SPRED2: variants seen among roughly 807,000 people sequenced by gnomAD.
SPRED2 encodes the protein sprouty-related, EVH1 domain-containing protein 2.
Under a neutral mutation model 43.0 loss-of-function variants are expected in SPRED2, and 47 were observed. The ratio of observed to expected loss-of-function variants is 1.09; its 90% CI spans 0.87 to 1.40. SPRED2 has a LOEUF of 1.40. SPRED2 is among the 40% of genes most tolerant of loss of function. SPRED2 has a pLI of 0.00. For synonymous variants in SPRED2, 225 were observed against 225.7 expected, an observed-to-expected ratio of 1.00 and a Z score of 0.03; for missense variants, 561 against 586.4, an observed-to-expected ratio of 0.96 and a Z score of 0.45.
intron 2 of SPRED2, among the ~76,000 whole-genome samples, chr2:65,340,176 G>T (rs1313559407): frequency 1.3e-5 from 2 of 152,052 alleles, no homozygotes; most frequent in East Asian, 3.9e-4. Flanking sequence ...TTTCTAATAT[G>T]GCAAGTTATA....
At chr2:65,350,315 A>G (rs1249689691) in intron 1 of SPRED2, among the ~76,000 whole-genome samples, 2 of 152,210 alleles carry the variant, frequency 1.3e-5, no homozygotes, top group Non-Finnish European at 2.9e-5. Flanking sequence ...AAAACATGCT[A>G]TCTTTGTCAA....
intron 1 of SPRED2, among the ~76,000 whole-genome samples, chr2:65,425,162 G>A (rs898852653): frequency 7.9e-5 from 12 of 152,112 alleles, no homozygotes; most frequent in Non-Finnish European, 1.5e-4. Flanking sequence ...AAACTTAACT[G>A]ATAATTAAGT....
rs555511626 is a variant in SPRED2, at chr2:65,406,295, A to G, written c.26+25667T>C. Reference sequence around the variant, plus strand: ...TTCTTAATACTTGACACCCAAACTTACCATCCACCAACTTTCCAATCCTCC... The same window carrying G: ...TTCTTAATACTTGACACCCAAACTTGCCATCCACCAACTTTCCAATCCTCC... On this transcript the variant is annotated intron_variant, in intron 1 of 5. Transcript: ENST00000356388. Among the ~76,000 whole-genome samples the G allele has an allele frequency of 2.6e-5, 4 of 152,116 alleles. No individual in the cohort carries two copies. The South Asian group carries it at 6.2e-4, about 24-fold the overall frequency.
chr2:65,347,662 T>C (rs375836954), intron 1 of SPRED2, among the ~76,000 whole-genome samples: 2 of 152,124 alleles, frequency 1.3e-5, no homozygotes, highest in African/African-American at 4.8e-5. Context: ...TTAAAAACCT[T>C]CTACATACCA....
intron 1 of SPRED2, among the ~76,000 whole-genome samples, chr2:65,428,802 C>G (rs1245261405): frequency 6.6e-6 from 1 of 152,202 alleles, no homozygotes; most frequent in Non-Finnish European, 1.5e-5. Flanking sequence ...TTTATCTTGT[C>G]TGCAAATTTC....
rs1299857849 is a variant in SPRED2, at chr2:65,422,104, A to ACACACACACACACACACTCTCT, written c.26+9857_26+9858insAGAGAGTGTGTGTGTGTGTGTG. Among the ~76,000 whole-genome samples the ACACACACACACACACACTCTCT allele has an allele frequency of 6.1e-4, 79 of 129,016 alleles. 1 individual carries two copies. Among genetic ancestry groups the ACACACACACACACACACTCTCT allele is most frequent in the South Asian group, 1.1e-3 (4 of 3,584 alleles). 84.6% of individuals were successfully genotyped at this position (129,016 alleles called of 152,430 possible). On this transcript the variant is annotated intron_variant, in intron 1 of 5. Transcript: ENST00000356388. Reference sequence around the variant, plus strand: ...CACACACACACACACACACACACACACTCTCTCTCTCTCTCTCTCTCTCTC... The same window carrying ACACACACACACACACACTCTCT: ...CACACACACACACACACACACACACACACACACACACACACACTCTCTCTCTCTCTCTCTCTCTCTCTCTCTC...
At chr2:65,394,973 G>T (rs1675721269) in intron 1 of SPRED2, among the ~76,000 whole-genome samples, 1 of 152,126 alleles carries the variant, frequency 6.6e-6, no homozygotes, top group African/African-American at 2.4e-5. Flanking sequence ...GACTGCTGTG[G>T]GTTGGGGTTG....
At chr2:65,422,924 T>C (rs1438216402) in intron 1 of SPRED2, among the ~76,000 whole-genome samples, 1 of 152,078 alleles carries the variant, frequency 6.6e-6, no homozygotes, top group Non-Finnish European at 1.5e-5. Context: ...AGTCTGAGCC[T>C]GAGAAAAAAA....
chr2:65,369,124 T>C (rs1675054961), intron 1 of SPRED2, among the ~76,000 whole-genome samples: 1 of 152,186 alleles, frequency 6.6e-6, no homozygotes, highest in Admixed American at 6.5e-5. Context: ...CAGTTACTGT[T>C]GCTGACATGC....
chr2:65,322,294 A>ATTTTTT (rs1178902612), intron 4 of SPRED2, among the ~76,000 whole-genome samples: 5 of 64,926 alleles, frequency 7.7e-5, no homozygotes, highest in African/African-American at 2.9e-4. Context: ...ATATATATAT[A>ATTTTTT]TTTTTTTTTT....
intron 1 of SPRED2, among the ~76,000 whole-genome samples, chr2:65,394,176 A>G (rs1246775239): frequency 6.6e-6 from 1 of 152,364 alleles, no homozygotes; most frequent in African/African-American, 2.4e-5. Context: ...AACAATTTAA[A>G]TTCTCATTTC....
chr2:65,398,636 A>G (rs1675810795), intron 1 of SPRED2, among the ~76,000 whole-genome samples: 1 of 152,250 alleles, frequency 6.6e-6, no homozygotes, highest in South Asian at 2.1e-4. Context: ...ATCACTAATT[A>G]TCAGGGCAAT....
In SPRED2 at chr2:65,360,068, A is replaced by AAC. The variant is rs1361535321; in HGVS notation, c.27-15173_27-15172insGT. ...CGACAGAGCGAGACTCCATCTCAAA[A>AAC]AAAAAAAAAACAAAAAAAAACAAAA... On this transcript the variant is annotated intron_variant, in intron 1 of 5. Transcript: ENST00000356388. 2.1e-4 allele frequency among the ~76,000 whole-genome samples: 26 copies of AAC among 125,996 alleles called. 1 individual carries two copies. The highest frequency in any genetic ancestry group is 6.7e-4 in the African/African-American group (24 of 35,996). 82.7% of individuals were successfully genotyped at this position (125,996 alleles called of 152,430 possible). A position where few individuals can be genotyped will look rare whatever the true frequency, so the allele number is the denominator to read the frequency against.
rs530636147 is a variant in SPRED2 at position 65,423,972 on chromosome 2, A to G, written c.26+7990T>C. On this transcript the variant is annotated intron_variant, in intron 1 of 5. Coordinates refer to ENST00000356388, the MANE Select transcript of SPRED2 (RefSeq NM_181784.3). ...GCTCAACTAATTTTGTATATTTAGT[A>G]GAGATGGGGTTTCTCCATCTTGGTT... 3.4e-3 allele frequency among the ~76,000 whole-genome samples: 522 copies of G among 152,212 alleles called. 4 individuals carry two copies. Among genetic ancestry groups the G allele is most frequent in the African/African-American group, 0.012 (495 of 41,526 alleles).
At chr2:65,365,229 A>G (rs1674939602) in intron 1 of SPRED2, among the ~76,000 whole-genome samples, 1 of 152,248 alleles carries the variant, frequency 6.6e-6, no homozygotes, top group Non-Finnish European at 1.5e-5. Flanking sequence ...ACGTTACAGC[A>G]TAACAGGTGG....
intron 2 of SPRED2, among the ~76,000 whole-genome samples, chr2:65,335,911 A>G (rs899454079): frequency 6.6e-6 from 1 of 151,678 alleles, no homozygotes; most frequent in African/African-American, 2.4e-5. Context: ...TAATAGCCCA[A>G]TCTTGTTCTG....
chr2:65,379,705 A>G (rs1675327803), intron 1 of SPRED2, among the ~76,000 whole-genome samples: 2 of 152,178 alleles, frequency 1.3e-5, no homozygotes, highest in Admixed American at 6.5e-5. Context: ...TCGACACTGC[A>G]ATAGAGAGCA....
intron 3 of SPRED2, chr2:65,334,377 G>A (rs1673901147): frequency 1.6e-6 from 1 of 622,280 alleles, no homozygotes; most frequent in Non-Finnish European, 3.0e-6. Context: ...TCACAGCAGA[G>A]TCTAAAAATC....
At chr2:65,411,101 C>A (rs766895356) in intron 1 of SPRED2, among the ~76,000 whole-genome samples, 3 of 152,196 alleles carry the variant, frequency 2.0e-5, no homozygotes, top group Admixed American at 1.3e-4. Flanking sequence ...TTATAATCAT[C>A]ATCTGCTGCA....
Sources: allele counts gnomAD v4.1 joint callset (sites outside exome capture counted in the v4.1 genomes callset), GRCh38; gene constraint gnomAD v4.1.1; transcripts MANE v1.5; gene names NCBI Gene and HGNC (gene_info 2026-07-23, HGNC 2026-07-21).